Variants in CAMK1D observed in about 807,000 individuals in gnomAD.
CAMK1D encodes calcium/calmodulin dependent protein kinase ID.
Under a neutral mutation model 47.7 loss-of-function variants are expected in CAMK1D, and 9 were observed. The observed-to-expected ratio is 0.19, with a 90% CI of 0.11 to 0.33. The LOEUF is 0.33. CAMK1D is among the 10% of genes least tolerant of loss of function. CAMK1D has a pLI of 1.00. For missense variants in CAMK1D, 291 were observed against 488.7 expected, an observed-to-expected ratio of 0.60 and a Z score of 3.81; for synonymous variants, 184 against 184.9, an observed-to-expected ratio of 0.99 and a Z score of 0.04.
intron 1 of CAMK1D, among the ~76,000 whole-genome samples, chr10:12,439,602 G>A (rs917940499): frequency 2.0e-5 from 3 of 152,218 alleles, no homozygotes; most frequent in Non-Finnish European, 2.9e-5. Context: ...ACTGCTGAGT[G>A]CTTTGCAGTT....
intron 1 of CAMK1D, among the ~76,000 whole-genome samples, chr10:12,423,199 C>T (rs1840115653): frequency 6.6e-6 from 1 of 152,078 alleles, no homozygotes; most frequent in Non-Finnish European, 1.5e-5. Context: ...ATACGGGTGA[C>T]CACTTAGCTG....
At chr10:12,808,494 A>G (rs1436449147) in intron 6 of CAMK1D, among the ~76,000 whole-genome samples, 1 of 152,224 alleles carries the variant, frequency 6.6e-6, no homozygotes, top group Non-Finnish European at 1.5e-5. Context: ...CTGATTAAAA[A>G]TGAAGACAGC....
chr10:12,650,878 A>G (rs944514511), intron 2 of CAMK1D, among the ~76,000 whole-genome samples: 1 of 152,192 alleles, frequency 6.6e-6, no homozygotes, highest in Non-Finnish European at 1.5e-5. Context: ...GCATGGGGAA[A>G]AAAACCCATC....
chr10:12,466,891 C>T (rs1833608037), intron 1 of CAMK1D, among the ~76,000 whole-genome samples: 1 of 152,074 alleles, frequency 6.6e-6, no homozygotes, highest in Non-Finnish European at 1.5e-5. Flanking sequence ...CAGGATGTTT[C>T]AGGGATTGTC....
At chr10:12,418,254 A>G (rs1041403189) in intron 1 of CAMK1D, among the ~76,000 whole-genome samples, 1 of 152,204 alleles carries the variant, frequency 6.6e-6, no homozygotes, top group Admixed American at 6.5e-5. Flanking sequence ...AAAACATATG[A>G]TTGCAACGCG....
chr10:12,695,556 A>G (rs1350016777), intron 3 of CAMK1D, among the ~76,000 whole-genome samples: 1 of 152,200 alleles, frequency 6.6e-6, no homozygotes, highest in Non-Finnish European at 1.5e-5. Flanking sequence ...CATTTTAAGT[A>G]AAAGTTACTA....
chr10:12,728,374 C>T (rs567066026), intron 3 of CAMK1D, among the ~76,000 whole-genome samples: 3 of 152,338 alleles, frequency 2.0e-5, no homozygotes, highest in South Asian at 4.1e-4. Flanking sequence ...CTAGTTACAT[C>T]GGTACAAACA....
At chr10:12,576,200 A>T (rs1033155563) in intron 2 of CAMK1D, among the ~76,000 whole-genome samples, 1 of 152,230 alleles carries the variant, frequency 6.6e-6, no homozygotes, top group African/African-American at 2.4e-5. Context: ...TTAAATTTAC[A>T]TAAGATATGA....
At chr10:12,620,041 A>G (rs1384328683) in intron 2 of CAMK1D, among the ~76,000 whole-genome samples, 1 of 152,162 alleles carries the variant, frequency 6.6e-6, no homozygotes, top group African/African-American at 2.4e-5. Context: ...TTGATAACTG[A>G]GAAGTATTTC....
In CAMK1D at chr10:12,404,094, G is replaced by A. The variant is rs187893976; in HGVS notation, c.92+54184G>A. 2.8e-4 allele frequency among the ~76,000 whole-genome samples: 42 copies of A among 151,168 alleles called. 2 individuals carry two copies. The highest frequency in any genetic ancestry group is 1.0e-3 in the African/African-American group (41 of 41,154). On this transcript the variant is annotated intron_variant, in intron 1 of 10. Transcript: ENST00000619168. ...GAGTTTCGCTCTTGTTGCCCCAGCT[G>A]GAGTGCAATGGTGTGATCTCACCTC...
At chr10:12,501,571 G>A (rs920202282) in intron 1 of CAMK1D, among the ~76,000 whole-genome samples, 1 of 152,208 alleles carries the variant, frequency 6.6e-6, no homozygotes, top group African/African-American at 2.4e-5. Context: ...AAGAAATGAA[G>A]AATGTGGACT....
chr10:12,394,429 C>T (rs1166012169), intron 1 of CAMK1D, among the ~76,000 whole-genome samples: 2 of 152,178 alleles, frequency 1.3e-5, no homozygotes, highest in Non-Finnish European at 2.9e-5. Context: ...AATTCCAACC[C>T]TCTCTCATCA....
intron 6 of CAMK1D, among the ~76,000 whole-genome samples, chr10:12,801,384 A>ATCTATCTC (rs1838466780): frequency 6.8e-6 from 1 of 147,624 alleles, no homozygotes; most frequent in African/African-American, 2.6e-5. Flanking sequence ...CTATCTATCT[A>ATCTATCTC]TCTATCTATC....
At chr10:12,568,144 C>T (rs1837187802) in intron 2 of CAMK1D, among the ~76,000 whole-genome samples, 1 of 102,600 alleles carries the variant, frequency 9.7e-6, no homozygotes, top group Non-Finnish European at 2.0e-5. Flanking sequence ...CTCCCTCCCT[C>T]TCTCCCTGTT....
intron 1 of CAMK1D, among the ~76,000 whole-genome samples, chr10:12,480,423 A>G (rs1319881020): frequency 6.6e-6 from 1 of 151,624 alleles, no homozygotes; most frequent in African/African-American, 2.4e-5. Context: ...CGACAGAGCA[A>G]GACTCCATCT....
chr10:12,388,246 C>T (rs1180249193), intron 1 of CAMK1D, among the ~76,000 whole-genome samples: 1 of 152,160 alleles, frequency 6.6e-6, no homozygotes, highest in South Asian at 2.1e-4. Context: ...AGGCTGATCT[C>T]GAACTCCTGA....
rs1564594037 is a variant in CAMK1D, at chr10:12,827,454, T to TCTTTG, written c.1040-1315_1040-1314insCTTTG. Among the ~76,000 whole-genome samples, 11 of 15,292 alleles carry TCTTTG rather than the reference T, an allele frequency of 7.2e-4. 4 individuals carry two copies. Among genetic ancestry groups the TCTTTG allele is most frequent in the African/African-American group, 1.1e-3 (9 of 8,076 alleles). 10.0% of individuals were successfully genotyped at this position (15,292 alleles called of 152,430 possible). A position where few individuals can be genotyped will look rare whatever the true frequency, so the allele number is the denominator to read the frequency against. On this transcript the variant is annotated intron_variant, in intron 10 of 10. Coordinates refer to ENST00000619168, the MANE Select transcript of CAMK1D (RefSeq NM_153498.4). Reference sequence around the variant, plus strand: ...TTCCTTCCTTCTTTCTTTCTTTCTTTTCTTTCTTTGTCTGTCTGTCTTTCT... The same window carrying TCTTTG: ...TTCCTTCCTTCTTTCTTTCTTTCTTTCTTTGTCTTTCTTTGTCTGTCTGTCTTTCT...
At chr10:12,496,904 A>T (rs1026492725) in intron 1 of CAMK1D, among the ~76,000 whole-genome samples, 6 of 152,052 alleles carry the variant, frequency 3.9e-5, no homozygotes, top group African/African-American at 1.4e-4. Context: ...GCCACCTCCC[A>T]ACAGGCACCA....
At chr10:12,361,965 C>T (rs1016465138) in intron 1 of CAMK1D, among the ~76,000 whole-genome samples, 1 of 152,152 alleles carries the variant, frequency 6.6e-6, no homozygotes, top group African/African-American at 2.4e-5. Context: ...TGGAGCCTCC[C>T]CTACCCCCCG....
Sources: allele counts gnomAD v4.1 joint callset (sites outside exome capture counted in the v4.1 genomes callset), GRCh38; gene constraint gnomAD v4.1.1; transcripts MANE v1.5; gene names NCBI Gene and HGNC (gene_info 2026-07-23, HGNC 2026-07-21).